Variants in FAM135A observed in about 807,000 individuals in gnomAD.
FAM135A encodes family with sequence similarity 135 member A.
A neutral mutation model predicts 146.8 loss-of-function variants in FAM135A; 79 were observed. The observed-to-expected ratio is 0.54, with a 90% CI of 0.45 to 0.65. The LOEUF (loss-of-function observed/expected upper bound fraction) is 0.65, where lower values mean the gene tolerates loss of function less well. Ranked by LOEUF, FAM135A falls within the 30% of genes least tolerant of loss-of-function variation. FAM135A has a pLI of 0.00. For synonymous variants in FAM135A, 562 were observed against 603.6 expected (o/e 0.93, Z 1.01); for missense variants, 1,623 against 1,758.2 (o/e 0.92, Z 1.38).
At chr6:70,506,893 G>T (rs543255979) in intron 12 of FAM135A, among the ~76,000 whole-genome samples, 1 of 151,746 alleles carries the variant, frequency 6.6e-6, no homozygotes, top group African/African-American at 2.4e-5. Context: ...GAGAATGGTC[G>T]CAAGGATTAG....
At position 70,533,193 on chromosome 6, in the gene FAM135A, AC is replaced by A; in HGVS notation, c.3810del (p.Tyr1270Ter). ...GCAGATCTCCGATTAGTAAAAACTT[AC>A]ATTGAACTTGGATTGCCTGGGGGAA... ...NSADLRLVKT[Y>X]IELGLPGGRI... is the part of the protein sequence containing the mutation. On this transcript the variant is annotated frameshift_variant, in exon 17 of 22. Coordinates refer to ENST00000418814, the MANE Select transcript of FAM135A (RefSeq NM_001162529.3). LOFTEE classifies it high-confidence loss of function. 1 of 1,612,986 alleles carries A rather than the reference AC, an allele frequency of 6.2e-7. No homozygotes were observed. The highest frequency in any genetic ancestry group is 8.5e-7 in the Non-Finnish European group (1 of 1,179,466).
intron 16 of FAM135A, among the ~76,000 whole-genome samples, chr6:70,530,072 AAAT>A (rs1273452525): frequency 4.6e-5 from 7 of 152,154 alleles, no homozygotes; most frequent in East Asian, 1.9e-4. Flanking sequence ...TCAAAAAAAA[AAAT>A]AATAATAATG....
rs1414364244 is a variant in FAM135A, at chr6:70,560,960, A to G, written c.*1039A>G. The G allele has an allele frequency of 6.6e-6, 1 of 152,602 alleles. No homozygotes were observed. Among genetic ancestry groups the G allele is most frequent in the African/African-American group, 2.4e-5 (1 of 41,464 alleles). The allele number at this position is 152,602 out of a possible 1,614,324, so 9.5% of individuals were successfully genotyped here. On this transcript the variant is annotated 3_prime_UTR_variant, in exon 22 of 22. Coordinates refer to ENST00000418814, the MANE Select transcript of FAM135A (RefSeq NM_001162529.3). ...TCTTTTGACTTTACTAAAGGTGCTGAATAGCATTAAATTCACTATTTTCCT... is the reference window on the plus strand; with the variant it reads ...TCTTTTGACTTTACTAAAGGTGCTGGATAGCATTAAATTCACTATTTTCCT...
intron 17 of FAM135A, among the ~76,000 whole-genome samples, 189 bp from the exon 18 acceptor site, chr6:70,533,567 CT>C (rs1225575341): frequency 6.6e-6 from 1 of 152,106 alleles, no homozygotes; most frequent in African/African-American, 2.4e-5. Context: ...AACACTGAAC[CT>C]TTTTTTCCCC....
At chr6:70,533,711 T>A in intron 17 of FAM135A, 46 bp from the exon 18 acceptor site, 1 of 1,128,450 alleles carries the variant, frequency 8.9e-7, no homozygotes, top group South Asian at 1.4e-5. Flanking sequence ...TTCATGTGAT[T>A]ATACATATTC....
chr6:70,475,297 A>G (rs1415793836), intron 5 of FAM135A, 113 bp from the exon 6 acceptor site: 7 of 836,392 alleles, frequency 8.4e-6, no homozygotes, highest in Non-Finnish European at 1.2e-5. Context: ...GTATAAATTG[A>G]TAATGACACT....
At chr6:70,506,962 C>T (rs920446851) in intron 12 of FAM135A, among the ~76,000 whole-genome samples, 1 of 151,504 alleles carries the variant, frequency 6.6e-6, no homozygotes, top group African/African-American at 2.4e-5. Flanking sequence ...GGACTAGGAA[C>T]AAGAAGGTAA....
intron 2 of FAM135A, among the ~76,000 whole-genome samples, chr6:70,422,401 TTTC>T (rs1769058618): frequency 6.6e-6 from 1 of 152,206 alleles, no homozygotes; most frequent in African/African-American, 2.4e-5. Context: ...TTTTGTATTT[TTTC>T]TTCTACTACA....
intron 20 of FAM135A, among the ~76,000 whole-genome samples, chr6:70,546,918 A>G (rs1798961354): frequency 6.6e-6 from 1 of 152,202 alleles, no homozygotes; most frequent in African/African-American, 2.4e-5. Flanking sequence ...AAATAAATGT[A>G]TAATATATAG....
At chr6:70,435,108 TA>T (rs57040220) in intron 4 of FAM135A, among the ~76,000 whole-genome samples, 171 of 69,012 alleles carry the variant, frequency 2.5e-3, no homozygotes, top group Middle Eastern at 8.6e-3. Context: ...TATATATATA[TA>T]TTTTTTTTTT....
intron 2 of FAM135A, among the ~76,000 whole-genome samples, chr6:70,426,180 A>T (rs565776448): frequency 6.6e-6 from 1 of 152,170 alleles, no homozygotes; most frequent in South Asian, 2.1e-4. Flanking sequence ...GAGGGTTCCT[A>T]CTGAACTAAG....
intron 11 of FAM135A, among the ~76,000 whole-genome samples, chr6:70,494,100 A>G (rs1786682878): frequency 6.6e-6 from 1 of 151,494 alleles, no homozygotes; most frequent in Admixed American, 6.6e-5. Context: ...TGTTTGATGA[A>G]GTAGGAAAAT....
chr6:70,539,469 C>T (rs1234177406), intron 20 of FAM135A, among the ~76,000 whole-genome samples: 1 of 152,098 alleles, frequency 6.6e-6, no homozygotes, highest in Non-Finnish European at 1.5e-5. Context: ...ACAGCAGTAG[C>T]CAAATCTCAC....
At chr6:70,483,361 T>G (rs1481440975) in intron 10 of FAM135A, among the ~76,000 whole-genome samples, 1 of 152,186 alleles carries the variant, frequency 6.6e-6, no homozygotes, top group African/African-American at 2.4e-5. Flanking sequence ...TAGGAAAATG[T>G]GTTTATTCTT....
chr6:70,496,016 T>C (rs1285034731), intron 11 of FAM135A, among the ~76,000 whole-genome samples: 1 of 152,210 alleles, frequency 6.6e-6, no homozygotes, highest in Non-Finnish European at 1.5e-5. Flanking sequence ...ATGTGCCACA[T>C]TTTCTTTACC....
chr6:70,556,178 G>A (rs2128505775), intron 20 of FAM135A, among the ~76,000 whole-genome samples: 1 of 152,198 alleles, frequency 6.6e-6, no homozygotes, highest in Non-Finnish European at 1.5e-5. Flanking sequence ...GAACCCAGGA[G>A]GCAGAGGTTG....
intron 4 of FAM135A, among the ~76,000 whole-genome samples, chr6:70,436,338 A>T (rs542749716): frequency 7.2e-5 from 11 of 152,220 alleles, no homozygotes; most frequent in Non-Finnish European, 1.5e-4. Flanking sequence ...AGAATACTCG[A>T]TAAGAAGTTA....
chr6:70,550,754 G>A (rs2128482932), intron 20 of FAM135A, among the ~76,000 whole-genome samples: 1 of 152,302 alleles, frequency 6.6e-6, no homozygotes, highest in Middle Eastern at 3.4e-3. Flanking sequence ...AAGCTTTGAA[G>A]CCAGGCATTG....
At chr6:70,427,401 G>A (rs911794921) in intron 3 of FAM135A, among the ~76,000 whole-genome samples, 2 of 152,032 alleles carry the variant, frequency 1.3e-5, no homozygotes, top group African/African-American at 2.4e-5. Flanking sequence ...GCATGACGGC[G>A]CATGCCTATA....
Sources: allele counts gnomAD v4.1 joint callset (sites outside exome capture counted in the v4.1 genomes callset), GRCh38; gene constraint gnomAD v4.1.1; transcripts MANE v1.5; gene names NCBI Gene and HGNC (gene_info 2026-07-23, HGNC 2026-07-21).